The following NALCN variants were observed in gnomAD, a reference collection of about 807,000 sequenced individuals.
NALCN encodes sodium leak channel, non-selective, also known as sodium leak channel NALCN.
In NALCN, 111 loss-of-function variants were observed where a neutral mutation model predicts 225.3. That is an observed-to-expected ratio of 0.49 (90% confidence interval 0.42 to 0.58). The LOEUF is 0.58. Among genes scored for constraint, NALCN ranks in the 20% least tolerant of loss-of-function variants. The probability of loss-of-function intolerance (pLI) is 0.00; values close to 1 mark genes in which losing one functional copy is unlikely to be tolerated. For missense variants in NALCN, 1,378 were observed against 2,202.4 expected, an observed-to-expected ratio of 0.63 and a Z score of 7.49; for synonymous variants, 764 against 769.0, an observed-to-expected ratio of 0.99 and a Z score of 0.11.
intron 27 of NALCN, among the ~76,000 whole-genome samples, chr13:101,100,028 T>C (rs2034719666): frequency 6.6e-6 from 1 of 152,160 alleles, no homozygotes. Context: ...AACCAATGAC[T>C]GAAGAAAGAG....
At chr13:101,124,751 T>C (rs2139700708) in intron 17 of NALCN, 70 bp from the exon 18 acceptor site, 1 of 1,194,646 alleles carries the variant, frequency 8.4e-7, no homozygotes, top group South Asian at 1.3e-5. Flanking sequence ...AATCATTCAA[T>C]AGATGACATT....
intron 30 of NALCN, among the ~76,000 whole-genome samples, chr13:101,087,893 GGT>G (rs1287509751): frequency 6.6e-6 from 1 of 152,106 alleles, no homozygotes; most frequent in Non-Finnish European, 1.5e-5. Flanking sequence ...GCTTCTTAAC[GGT>G]GTTCTGGGCA....
chr13:101,101,278 T>C (rs1035627801), intron 26 of NALCN, among the ~76,000 whole-genome samples: 1 of 106,814 alleles, frequency 9.4e-6, no homozygotes, highest in Non-Finnish European at 1.9e-5. Flanking sequence ...TTTATTTTTT[T>C]TTCTTTTTTT....
intron 7 of NALCN, among the ~76,000 whole-genome samples, chr13:101,325,534 C>A (rs529815138): frequency 2.6e-5 from 4 of 152,310 alleles, no homozygotes; most frequent in Non-Finnish European, 5.9e-5. Flanking sequence ...TCCCAGGTCC[C>A]ATTTTCAGGG....
At chr13:101,100,609 C>T (rs2034754192) in intron 27 of NALCN, among the ~76,000 whole-genome samples, 175 bp downstream of exon 27, 1 of 152,122 alleles carries the variant, frequency 6.6e-6, no homozygotes, top group Non-Finnish European at 1.5e-5. Flanking sequence ...GGACAGGGCT[C>T]TCGCTCTGTT....
intron 10 of NALCN, among the ~76,000 whole-genome samples, chr13:101,258,938 C>T (rs1018812578): frequency 1.3e-5 from 2 of 152,110 alleles, no homozygotes; most frequent in Non-Finnish European, 2.9e-5. Context: ...ACAAGTATTT[C>T]TTTATTCTGT....
intron 10 of NALCN, among the ~76,000 whole-genome samples, chr13:101,270,694 C>G (rs2042748593): frequency 6.6e-6 from 1 of 152,188 alleles, no homozygotes; most frequent in Non-Finnish European, 1.5e-5. Context: ...TAGATTATGT[C>G]TAAACCTGTC....
chr13:101,164,561 T>G (rs1234388065), intron 15 of NALCN, among the ~76,000 whole-genome samples: 1 of 152,130 alleles, frequency 6.6e-6, no homozygotes, highest in Non-Finnish European at 1.5e-5. Context: ...ATATTTCTAC[T>G]TTTTGAATGA....
At chr13:101,327,931 G>A (rs1216627511) in intron 7 of NALCN, among the ~76,000 whole-genome samples, 4 of 152,150 alleles carry the variant, frequency 2.6e-5, no homozygotes, top group African/African-American at 9.7e-5. Context: ...ATGGGCCTCA[G>A]GGTTTCTGTT....
chr13:101,071,476 G>T (rs61973974), intron 37 of NALCN, among the ~76,000 whole-genome samples: 2 of 152,068 alleles, frequency 1.3e-5, no homozygotes, highest in African/African-American at 4.8e-5. Flanking sequence ...ATATTATGGA[G>T]ATGGCTTCTT....
intron 7 of NALCN, among the ~76,000 whole-genome samples, chr13:101,296,374 T>C (rs2043756664): frequency 6.6e-6 from 1 of 152,206 alleles, no homozygotes; most frequent in Non-Finnish European, 1.5e-5. Flanking sequence ...CACAGATAAT[T>C]TGGAAACTAT....
chr13:101,238,872 TTAA>T lies in NALCN; in HGVS notation c.1267-953_1267-951del, dbSNP rs200943378. ...TGGAACATGTGGGGAAAATGCAGTT[TTAA>T]TAATAGTGTTTTAAGAAATGAAACA... On this transcript the variant is annotated intron_variant, in intron 11 of 43. Coordinates refer to ENST00000251127, the MANE Select transcript of NALCN (RefSeq NM_052867.4). Among the ~76,000 whole-genome samples the T allele has an allele frequency of 4.6e-3, 697 of 152,034 alleles. 5 individuals are homozygous for T. The highest frequency in any genetic ancestry group is 0.016 in the African/African-American group (678 of 41,558).
At chr13:101,093,710 T>C (rs1019235977) in intron 28 of NALCN, among the ~76,000 whole-genome samples, 5 of 152,234 alleles carry the variant, frequency 3.3e-5, no homozygotes, top group African/African-American at 1.2e-4. Context: ...CTCCAAACAC[T>C]ACCTTCAAGT....
At chr13:101,259,291 G>C (rs574652965) in intron 10 of NALCN, among the ~76,000 whole-genome samples, 2 of 152,006 alleles carry the variant, frequency 1.3e-5, no homozygotes, top group South Asian at 4.2e-4. Flanking sequence ...CCTACATTAA[G>C]ATAAAGATAA....
intron 11 of NALCN, among the ~76,000 whole-genome samples, chr13:101,239,265 A>G (rs1320825314): frequency 6.6e-6 from 1 of 151,938 alleles, no homozygotes; most frequent in Admixed American, 6.6e-5. Flanking sequence ...AATTTTAAAG[A>G]TGTCATTGTC....
At chr13:101,056,713 C>T (rs575843189) in intron 43 of NALCN, among the ~76,000 whole-genome samples, 20 of 152,286 alleles carry the variant, frequency 1.3e-4, no homozygotes, top group African/African-American at 3.6e-4. Context: ...GCTCACACCA[C>T]GGTAACTTCC....
intron 6 of NALCN, among the ~76,000 whole-genome samples, chr13:101,370,386 A>G (rs1203355685): frequency 6.6e-6 from 1 of 152,256 alleles, no homozygotes; most frequent in Admixed American, 6.5e-5. Flanking sequence ...ATGAGTAGGA[A>G]CAGAAGGAAC....
rs1173148299 is a variant in NALCN, at chr13:101,055,492, T to C, written c.5024-4A>G. On this transcript the variant is annotated splice_region_variant and splice_polypyrimidine_tract_variant and intron_variant, in intron 43 of 43. Coordinates refer to ENST00000251127, the MANE Select transcript of NALCN (RefSeq NM_052867.4). ...GAATGGCTTATTGGTTTTGGGGCTG[T>C]GGAATTAATGAGTCCTATGAGCCAC... 3.1e-6 allele frequency: 5 copies of C among 1,613,076 alleles called. No homozygotes were observed. Among genetic ancestry groups the C allele is most frequent in the African/African-American group, 1.3e-5 (1 of 74,798 alleles).
At chr13:101,377,646 A>G (rs1258347536) in intron 4 of NALCN, among the ~76,000 whole-genome samples, 2 of 152,190 alleles carry the variant, frequency 1.3e-5, no homozygotes, top group Non-Finnish European at 2.9e-5. Flanking sequence ...AACAAACACT[A>G]TGATGAGTTG....
Sources: allele counts gnomAD v4.1 joint callset (sites outside exome capture counted in the v4.1 genomes callset), GRCh38; gene constraint gnomAD v4.1.1; transcripts MANE v1.5; gene names NCBI Gene and HGNC (gene_info 2026-07-23, HGNC 2026-07-21).